ZNF69: variants seen among roughly 807,000 people sequenced by gnomAD.
ZNF69 encodes zinc finger protein 69.
A neutral mutation model predicts 50.9 loss-of-function variants in ZNF69; 47 were observed. The observed-to-expected ratio is 0.92, with a 90% CI of 0.73 to 1.18. The LOEUF is 1.18. Ranked by LOEUF, ZNF69 falls within the 50% of genes most tolerant of loss-of-function variation. The pLI is 0.00. For synonymous variants in ZNF69, 216 were observed against 223.1 expected (o/e 0.97, Z 0.29); for missense variants, 717 against 675.1 (o/e 1.06, Z -0.69).
the ZNF69 span, chr19:11,947,670 C>G: frequency 8.6e-7 from 1 of 1,158,430 alleles, no homozygotes; most frequent in Non-Finnish European, 1.3e-6. Flanking sequence ...CTAAATCCAG[C>G]ATCAAATTCA....
At chr19:11,963,023 G>A in the ZNF69 span, among the ~76,000 whole-genome samples, 1 of 151,706 alleles carries the variant, frequency 6.6e-6, no homozygotes, top group African/African-American at 2.4e-5. Context: ...CACCTGTTAT[G>A]TTTTACAATT....
downstream of ZNF69, among the ~76,000 whole-genome samples, chr19:11,907,930 C>T (rs1033866821): frequency 2.4e-4 from 36 of 152,152 alleles, no homozygotes; most frequent in Non-Finnish European, 3.5e-4. Context: ...GGAGACCCAT[C>T]TCACGTGCAG....
downstream of ZNF69, among the ~76,000 whole-genome samples, chr19:11,911,286 C>G (rs572262348): frequency 1.1e-3 from 164 of 152,278 alleles, no homozygotes; most frequent in Middle Eastern, 6.8e-3. Context: ...GAATCTAGAC[C>G]TAGAAATACC....
At chr19:11,932,635 A>ATT in the ZNF69 span, among the ~76,000 whole-genome samples, 1,990 of 116,810 alleles carry the variant, frequency 0.017, 137 homozygotes, top group African/African-American at 0.041. Context: ...CCAATATGTG[A>ATT]TTTTTTTTTT....
downstream of ZNF69, among the ~76,000 whole-genome samples, chr19:11,917,098 G>A (rs1972528978): frequency 6.6e-6 from 1 of 152,202 alleles, no homozygotes; most frequent in African/African-American, 2.4e-5. Context: ...GGTGGCCCCT[G>A]GGGCTTTGAC....
chr19:11,956,782 G>A, the ZNF69 span: 1 of 376,374 alleles, frequency 2.7e-6, no homozygotes, highest in Admixed American at 4.6e-5. Flanking sequence ...CTTGAACTCG[G>A]GGCGGAGGCT....
rs944095794 is a variant in ZNF69, at chr19:11,897,546, G to T, written c.64-6027G>T. ...GCTATGATTGCACCGCTACACTCCA[G>T]CCTGGGCAACAGAATGAGACCCTGT... On this transcript the variant is annotated intron_variant, in intron 1 of 3. Transcript: ENST00000429654. Among the ~76,000 whole-genome samples, 20 of 149,206 alleles carry T rather than the reference G, an allele frequency of 1.3e-4. No homozygotes were observed. The South Asian group carries it at 4.3e-3, about 32-fold the overall frequency.
chr19:11,964,944 C>T, the ZNF69 span: 1 of 463,304 alleles, frequency 2.2e-6, no homozygotes, highest in South Asian at 2.4e-5. Context: ...CGCTGTCACT[C>T]AGAAGTGAGG....
intron 1 of ZNF69, among the ~76,000 whole-genome samples, chr19:11,902,500 T>C (rs1972268753): frequency 6.6e-6 from 1 of 151,906 alleles, no homozygotes; most frequent in Non-Finnish European, 1.5e-5. Flanking sequence ...TGCCAGGTAT[T>C]TTTTAGGAAT....
the ZNF69 span, among the ~76,000 whole-genome samples, chr19:11,957,091 GTT>G: frequency 6.8e-6 from 1 of 146,662 alleles, no homozygotes; most frequent in Non-Finnish European, 1.5e-5. Context: ...TAAGAAATAA[GTT>G]TTTTTTTTTT....
At chr19:11,940,835 C>G in the ZNF69 span, among the ~76,000 whole-genome samples, 3 of 151,820 alleles carry the variant, frequency 2.0e-5, no homozygotes, top group Non-Finnish European at 4.4e-5. Context: ...CCACGTCCCC[C>G]CCAGATTAGC....
chr19:11,899,519 G>A (rs2145226484), intron 1 of ZNF69, among the ~76,000 whole-genome samples: 1 of 152,276 alleles, frequency 6.6e-6, no homozygotes, highest in Admixed American at 6.5e-5. Context: ...CTCATCTTGA[G>A]CCTGGTGTGA....
the ZNF69 span, among the ~76,000 whole-genome samples, chr19:11,943,652 C>T: frequency 6.6e-6 from 1 of 152,166 alleles, no homozygotes; most frequent in Admixed American, 6.6e-5. Context: ...TGGTGTTATA[C>T]AGGCAAGTTC....
chr19:11,892,627 A>T (rs1977123526), intron 1 of ZNF69, among the ~76,000 whole-genome samples: 1 of 152,134 alleles, frequency 6.6e-6, no homozygotes, highest in South Asian at 2.1e-4. Context: ...AATAAAAAAA[A>T]AGTGAAGAGG....
chr19:11,911,814 T>TATA (rs574789924), intron 4 of ZNF69, among the ~76,000 whole-genome samples: 151 of 151,854 alleles, frequency 9.9e-4, no homozygotes, highest in South Asian at 2.3e-3. Flanking sequence ...GAACTTAAAG[T>TATA]ATAATAATAA....
At chr19:11,903,166 G>A (rs565103148) in intron 1 of ZNF69, among the ~76,000 whole-genome samples, 1 of 152,244 alleles carries the variant, frequency 6.6e-6, no homozygotes, top group South Asian at 2.1e-4. Context: ...CAGGCCTGGT[G>A]GCTCACGCCT....
intron 1 of ZNF69, among the ~76,000 whole-genome samples, chr19:11,901,381 T>C (rs897970169): frequency 6.6e-6 from 1 of 152,194 alleles, no homozygotes; most frequent in Non-Finnish European, 1.5e-5. Flanking sequence ...CCTTAAGCAG[T>C]AGGATATAAA....
the ZNF69 span, among the ~76,000 whole-genome samples, chr19:11,974,151 T>A: frequency 1.7e-5 from 2 of 120,282 alleles, no homozygotes; most frequent in African/African-American, 9.2e-5. Context: ...TCTTTCTTTC[T>A]TTCTTTCCTT....
At chr19:11,903,484 G>A (rs941923659) in intron 1 of ZNF69, 89 bp from the exon 2 acceptor site, 17 of 1,570,830 alleles carry the variant, frequency 1.1e-5, no homozygotes, top group African/African-American at 4.1e-5. Flanking sequence ...TGGAGTCCAC[G>A]GCATCCTGAG....
Sources: gnomAD v4.1 joint callset for allele counts (sites outside exome capture counted in the v4.1 genomes callset) on GRCh38, gnomAD v4.1.1 for gene constraint, MANE v1.5 for transcripts, NCBI Gene and HGNC (gene_info 2026-07-23, HGNC 2026-07-21) for gene names.